Variants in TMEM115 observed in about 807,000 individuals in gnomAD.
TMEM115 encodes PP6.
TMEM115 carries 8 observed loss-of-function variants against 20.1 expected under a neutral mutation model. That is an observed-to-expected ratio of 0.40 (90% CI 0.23 to 0.72). The LOEUF is 0.72. TMEM115 is among the 30% of genes least tolerant of loss of function. The pLI, the probability that TMEM115 is intolerant of heterozygous loss-of-function variation, is 0.39. For synonymous variants in TMEM115, 229 were observed against 206.2 expected (o/e 1.11, Z -0.95); for missense variants, 374 against 455.1 (o/e 0.82, Z 1.62).
chr3:50,358,377 A>G lies in TMEM115; in HGVS notation c.687T>C (p.Pro229=), dbSNP rs757933060. ...AACCCACCACAGGCTGCAGGATCTCAGGGAAGAAAGTGGCGAAAGCAAAGT... is the reference window on the plus strand; with the variant it reads ...AACCCACCACAGGCTGCAGGATCTCGGGGAAGAAAGTGGCGAAAGCAAAGT... ...ADHFAFATFF[P]EILQPVVGLL... is the part of the protein sequence containing the mutation. The change falls in exon 1 of 2, where the codon CCT becomes CCC. Residue 229 remains proline, a synonymous_variant. Coordinates refer to ENST00000266025, the MANE Select transcript of TMEM115 (RefSeq NM_007024.5). The G allele has an allele frequency of 1.9e-6, 3 of 1,613,936 alleles. No individual in the cohort carries two copies. Among genetic ancestry groups the G allele is most frequent in the Non-Finnish European group, 2.5e-6 (3 of 1,180,026 alleles).
rs779130851 is a variant in TMEM115 at position 50,358,548 on chromosome 3, C to G, written c.516G>C (p.Leu172=). 15 of 1,610,814 alleles carry G rather than the reference C, an allele frequency of 9.3e-6. No homozygotes were observed. The highest frequency in any genetic ancestry group is 6.8e-6 in the Non-Finnish European group (8 of 1,178,942). The change falls in exon 1 of 2, where the codon CTG becomes CTC. Residue 172 remains leucine (L), a synonymous_variant. Transcript: ENST00000266025. ...PQVRVSVMPM[L]LLALLLLLRL... ...GCAGCAGGAGCAGCAGCGCCAGCAG[C>G]AGCATGGGCATCACACTGACGCGCA...
intron 1 of TMEM115, among the ~76,000 whole-genome samples, chr3:50,355,889 G>C (rs1048102396): frequency 5.3e-5 from 8 of 152,260 alleles, no homozygotes; most frequent in African/African-American, 1.9e-4. Flanking sequence ...TAGTGCCCTA[G>C]GGCAGATGGG....
Position 50,359,420 on chromosome 3 carries a change from G to C in TMEM115, c.-357C>G. The C allele has an allele frequency of 4.0e-6, 1 of 248,186 alleles. No homozygotes were observed. Among genetic ancestry groups the C allele is most frequent in the Non-Finnish European group, 7.9e-6 (1 of 127,008 alleles). The allele number at this position is 248,186 out of a possible 1,614,324, so 15.4% of individuals were successfully genotyped here. On this transcript the variant is annotated 5_prime_UTR_variant, in exon 1 of 2. Transcript: ENST00000266025. ...AGGCCCTTCGGTTCGCAAGGGGACT[G>C]GTGCCTCGTTCTGTACCCGAGTCAA...
chr3:50,358,581 C>T lies in TMEM115; in HGVS notation c.483G>A (p.Val161=). 1 of 1,610,656 alleles carries T rather than the reference C, an allele frequency of 6.2e-7. No homozygotes were observed. Among genetic ancestry groups the T allele is most frequent in the African/African-American group, 1.3e-5 (1 of 75,002 alleles). ...QTMGDCVVLR[V]PQVRVSVMPM... is the part of the protein sequence containing the mutation. ...GCATCACACTGACGCGCACCTGGGG[C>T]ACTCGCAGGACCACACAGTCCCCCA... Residue 161 remains valine (V), a synonymous_variant, in exon 1 of 2, where the codon GTG becomes GTA. Coordinates refer to ENST00000266025, the MANE Select transcript of TMEM115 (RefSeq NM_007024.5).
Position 50,358,457 on chromosome 3 carries a change from C to A in TMEM115, c.607G>T (p.Val203Leu), listed in dbSNP as rs1413347143. 1.2e-6 allele frequency: 2 copies of A among 1,613,622 alleles called. No homozygotes were observed. Among genetic ancestry groups the A allele is most frequent in the Admixed American group, 3.3e-5 (2 of 60,026 alleles). Residue 203 changes from valine (V) to leucine (L), a missense_variant, in exon 1 of 2, where the codon GTA becomes TTA. Coordinates refer to ENST00000266025, the MANE Select transcript of TMEM115 (RefSeq NM_007024.5). Reference protein sequence around the residue: ...SYGFGLLSSWVYLRFYQRHSR... With the variant: ...SYGFGLLSSWLYLRFYQRHSR... ...TGGCGCTGGTAGAAGCGAAGATATA[C>A]CCAACTGGAGAGCAGCCCGAAGCCA...
rs1703852778 is a variant in TMEM115, at chr3:50,355,397, CCCCTT to C, written c.997_1001del (p.Lys333GlyfsTer44). 1 of 1,570,570 alleles carries C rather than the reference CCCCTT, an allele frequency of 6.4e-7. No homozygotes were observed. Among genetic ancestry groups the C allele is most frequent in the Non-Finnish European group, 8.6e-7 (1 of 1,158,576 alleles). The stretch of plus-strand genomic sequence containing the variant: ...TGATTAGACTGGATTCTGGGGCAGC[CCCCTT>C]CCCTGGGGGTGTGGGAGCTTTGTCT... On this transcript the variant is annotated frameshift_variant, in exon 2 of 2. Transcript: ENST00000266025. LOFTEE classifies it high-confidence loss of function.
chr3:50,357,981 C>G, intron 1 of TMEM115: 1 of 574,902 alleles, frequency 1.7e-6, no homozygotes, highest in Non-Finnish European at 3.1e-6. Flanking sequence ...CCAAAGGAAA[C>G]TGCATTTCTT....
chr3:50,358,065 A>T, intron 1 of TMEM115, 148 bp downstream of exon 1: 1 of 1,134,746 alleles, frequency 8.8e-7, no homozygotes, highest in Non-Finnish European at 1.2e-6. Context: ...TGAGTTCCTT[A>T]AGGCCAAAGA....
intron 1 of TMEM115, among the ~76,000 whole-genome samples, chr3:50,356,557 C>T (rs1239693918): frequency 6.6e-6 from 1 of 152,196 alleles, no homozygotes; most frequent in African/African-American, 2.4e-5. Context: ...CCCCCCTGCC[C>T]GTCAGTCTCA....
Position 50,358,547 on chromosome 3 carries a change from G to A in TMEM115, c.517C>T (p.Leu173=). The part of the protein sequence containing the change: ...QVRVSVMPML[L]LALLLLLRLA... ...CGCAGCAGGAGCAGCAGCGCCAGCA[G>A]CAGCATGGGCATCACACTGACGCGC... The change falls in exon 1 of 2, where the codon CTG becomes TTG. Residue 173 remains leucine, a synonymous_variant. Coordinates refer to ENST00000266025, the MANE Select transcript of TMEM115 (RefSeq NM_007024.5). 1 of 1,610,882 alleles carries A rather than the reference G, an allele frequency of 6.2e-7. No individual in the cohort carries two copies. The highest frequency in any genetic ancestry group is 8.5e-7 in the Non-Finnish European group (1 of 1,179,018).
At chr3:50,356,837 G>A (rs952371285) in intron 1 of TMEM115, among the ~76,000 whole-genome samples, 6 of 151,960 alleles carry the variant, frequency 3.9e-5, no homozygotes, top group African/African-American at 1.2e-4. Context: ...CAACCATAAG[G>A]CTATGCCAAG....
intron 1 of TMEM115, among the ~76,000 whole-genome samples, chr3:50,357,954 A>G (rs1703903057): frequency 6.6e-6 from 1 of 152,244 alleles, no homozygotes. Flanking sequence ...GTGTCCCTCC[A>G]CTGGGACTTC....
Position 50,355,315 on chromosome 3 carries a change from G to A in TMEM115, c.*28C>T, listed in dbSNP as rs1395954237. ...GGATGTCAAGGGGGGCTTGGGAGGG[G>A]AGGTGCCACACTCAAGGTGGTCTGG... On this transcript the variant is annotated 3_prime_UTR_variant, in exon 2 of 2. Transcript: ENST00000266025. 4 of 1,448,740 alleles carry A rather than the reference G, an allele frequency of 2.8e-6. No individual in the cohort carries two copies. Among genetic ancestry groups the A allele is most frequent in the Non-Finnish European group, 3.7e-6 (4 of 1,090,204 alleles). 89.7% of individuals were successfully genotyped at this position (1,448,740 alleles called of 1,614,324 possible). A position where few individuals can be genotyped will look rare whatever the true frequency, so the allele number is the denominator to read the frequency against.
At chr3:50,355,646 A>G in intron 1 of TMEM115, 99 bp from the exon 2 acceptor site, 1 of 1,042,056 alleles carries the variant, frequency 9.6e-7, no homozygotes, top group Non-Finnish European at 1.3e-6. Context: ...TACCACCTAG[A>G]CTCCTCCCCC....
chr3:50,355,277 G>C lies in TMEM115; in HGVS notation c.*66C>G. On this transcript the variant is annotated 3_prime_UTR_variant, in exon 2 of 2. Transcript: ENST00000266025. ...TCTCCTCAGAGCAGTCAGGTGCCCT[G>C]GAGTAGCTGAGAGGATGTCAAGGGG... The C allele has an allele frequency of 1.6e-6, 2 of 1,249,682 alleles. No homozygotes were observed. Among genetic ancestry groups the C allele is most frequent in the Non-Finnish European group, 2.2e-6 (2 of 915,040 alleles). The allele number at this position is 1,249,682 out of a possible 1,614,324, so 77.4% of individuals were successfully genotyped here. A position where few individuals can be genotyped will look rare whatever the true frequency, so the allele number is the denominator to read the frequency against.
At position 50,359,264 on chromosome 3, in the gene TMEM115, G is replaced by C; in HGVS notation, c.-201C>G. 1.2e-6 allele frequency: 1 copy of C among 857,242 alleles called. No homozygotes were observed. The highest frequency in any genetic ancestry group is 1.7e-6 in the Non-Finnish European group (1 of 577,038). The allele number at this position is 857,242 out of a possible 1,614,324, so 53.1% of individuals were successfully genotyped here. A position where few individuals can be genotyped will look rare whatever the true frequency, so the allele number is the denominator to read the frequency against. The stretch of plus-strand genomic sequence containing the variant: ...GGCCTTGTTGCCGGGCCGCAGCGTA[G>C]GCCCCTCGCCCGGGACCTGAGGGAA... On this transcript the variant is annotated 5_prime_UTR_variant, in exon 1 of 2. Transcript: ENST00000266025.
rs1044795240 is a variant in TMEM115, at chr3:50,358,578, G to C, written c.486C>G (p.Pro162=). The C allele has an allele frequency of 6.2e-7, 1 of 1,610,402 alleles. No homozygotes were observed. The stretch of plus-strand genomic sequence containing the variant: ...TGGGCATCACACTGACGCGCACCTG[G>C]GGCACTCGCAGGACCACACAGTCCC... The part of the protein sequence containing the change: ...TMGDCVVLRV[P]QVRVSVMPML... The change falls in exon 1 of 2, where the codon CCC becomes CCG. Residue 162 remains proline, a synonymous_variant. Transcript: ENST00000266025.
intron 1 of TMEM115, chr3:50,358,009 C>A: frequency 1.6e-6 from 1 of 635,010 alleles, no homozygotes; most frequent in East Asian, 2.8e-5. Context: ...ATTAAGTGGC[C>A]CGAGTGGTGA....
chr3:50,359,295 T>C lies in TMEM115; in HGVS notation c.-232A>G. ...TCGCCCGGGACCTGAGGGAAGGCCC[T>C]GGACGGCTGCGGCACGCCCGCCTAC... is the stretch of plus-strand genomic sequence containing the variant. On this transcript the variant is annotated 5_prime_UTR_variant, in exon 1 of 2. Coordinates refer to ENST00000266025, the MANE Select transcript of TMEM115 (RefSeq NM_007024.5). 3.0e-6 allele frequency: 2 copies of C among 659,192 alleles called. No individual in the cohort carries two copies. Among genetic ancestry groups the C allele is most frequent in the Non-Finnish European group, 4.9e-6 (2 of 406,520 alleles). 40.8% of individuals were successfully genotyped at this position (659,192 alleles called of 1,614,324 possible).
Sources: gnomAD v4.1 joint callset for allele counts (sites outside exome capture counted in the v4.1 genomes callset) on GRCh38, gnomAD v4.1.1 for gene constraint, MANE v1.5 for transcripts, NCBI Gene and HGNC (gene_info 2026-07-23, HGNC 2026-07-21) for gene names.